GPC6: variants seen among roughly 807,000 people sequenced by gnomAD.
GPC6 encodes the protein glypican-6.
A neutral mutation model predicts 55.2 loss-of-function variants in GPC6; 14 were observed. That is an observed-to-expected ratio of 0.25 (90% CI 0.17 to 0.40). The LOEUF (loss-of-function observed/expected upper bound fraction) is 0.40. Ranked by LOEUF, GPC6 falls within the 10% of genes least tolerant of loss-of-function variation. The pLI is 1.00. For missense variants in GPC6, 641 were observed against 708.5 expected (o/e 0.90, Z 1.08); for synonymous variants, 278 against 259.6 (o/e 1.07, Z -0.68).
intron 2 of GPC6, among the ~76,000 whole-genome samples, chr13:93,786,122 T>A (rs1014245511): frequency 3.9e-5 from 6 of 152,172 alleles, no homozygotes; most frequent in Non-Finnish European, 4.4e-5. Flanking sequence ...AACACTCAGA[T>A]GTTATTTTCA....
intron 2 of GPC6, among the ~76,000 whole-genome samples, chr13:93,802,957 T>C (rs1886426384): frequency 6.6e-6 from 1 of 152,202 alleles, no homozygotes; most frequent in Admixed American, 6.5e-5. Flanking sequence ...GTATCCACAG[T>C]CTGAAAACAT....
intron 1 of GPC6, among the ~76,000 whole-genome samples, chr13:93,490,816 A>C (rs1242608029): frequency 9.4e-6 from 1 of 106,828 alleles, no homozygotes; most frequent in African/African-American, 3.5e-5. Context: ...GATGGTTTCC[A>C]ATTTCATCCA....
At chr13:94,321,937 T>C (rs1876848520) in intron 6 of GPC6, among the ~76,000 whole-genome samples, 1 of 152,204 alleles carries the variant, frequency 6.6e-6, no homozygotes, top group Non-Finnish European at 1.5e-5. Flanking sequence ...AACACTGACC[T>C]TCAGAGAGGC....
At chr13:93,373,698 A>G (rs1404534298) in intron 1 of GPC6, among the ~76,000 whole-genome samples, 1 of 152,222 alleles carries the variant, frequency 6.6e-6, no homozygotes, top group Non-Finnish European at 1.5e-5. Flanking sequence ...GATTCAAAAG[A>G]TAGTATTAAC....
intron 2 of GPC6, among the ~76,000 whole-genome samples, chr13:93,711,395 C>T (rs1883056913): frequency 6.6e-6 from 1 of 151,592 alleles, no homozygotes; most frequent in African/African-American, 2.4e-5. Context: ...AGCAAGAACC[C>T]GCCCCCAAGA....
chr13:94,234,317 C>CA (rs1384031033), intron 4 of GPC6, among the ~76,000 whole-genome samples: 1 of 152,096 alleles, frequency 6.6e-6, no homozygotes, highest in Admixed American at 6.5e-5. Flanking sequence ...TAACTAAATT[C>CA]ATTTTTATTG....
rs968416062 is a variant in GPC6 at position 94,305,961 on chromosome 13, T to A, written c.1009-19T>A. The stretch of plus-strand genomic sequence containing the variant: ...AAACTCATTGTATAGCTGTTTTTAC[T>A]TTTCAATGGTTCTTCCAGGTCTTTC... On this transcript the variant is annotated intron_variant, in intron 5 of 8. Coordinates refer to ENST00000377047, the MANE Select transcript of GPC6 (RefSeq NM_005708.5). 3.7e-6 allele frequency: 6 copies of A among 1,613,724 alleles called. No individual in the cohort carries two copies. Among genetic ancestry groups the A allele is most frequent in the Non-Finnish European group, 5.1e-6 (6 of 1,179,586 alleles).
At chr13:93,700,495 T>C (rs1224083117) in intron 2 of GPC6, among the ~76,000 whole-genome samples, 5 of 152,108 alleles carry the variant, frequency 3.3e-5, no homozygotes, top group Non-Finnish European at 7.4e-5. Flanking sequence ...TCTCCTGGGC[T>C]GCCTAAAAGG....
chr13:93,227,533 A>C lies in GPC6; in HGVS notation c.77A>C (p.Lys26Thr). Residue 26 changes from lysine to threonine, a missense_variant, in exon 1 of 9, where the codon AAG becomes ACG. By Grantham distance (78) the Lys-to-Thr change is moderately conservative. Coordinates refer to ENST00000377047, the MANE Select transcript of GPC6 (RefSeq NM_005708.5). The surrounding 1 kb of genome is among the most constrained non-coding windows in gnomAD (Gnocchi z 4.3). ...LLSLPAGADVKARSCGEVRQA... is the reference protein window; with the variant it reads ...LLSLPAGADVTARSCGEVRQA... ...TCCCTCCCCGCCGGGGCGGATGTGAAGGCTCGGAGCTGCGGAGAGGTCCGC... is the reference window on the plus strand; with the variant it reads ...TCCCTCCCCGCCGGGGCGGATGTGACGGCTCGGAGCTGCGGAGAGGTCCGC... 1.9e-6 allele frequency: 3 copies of C among 1,613,594 alleles called. No individual in the cohort carries two copies.
At chr13:93,589,181 A>G (rs1877348925) in intron 2 of GPC6, among the ~76,000 whole-genome samples, 1 of 140,806 alleles carries the variant, frequency 7.1e-6, no homozygotes, top group African/African-American at 3.2e-5. Context: ...TTAACATTTT[A>G]TTACCTTTGC....
chr13:93,475,413 A>C (rs1879266268), intron 1 of GPC6, among the ~76,000 whole-genome samples: 1 of 55,048 alleles, frequency 1.8e-5, no homozygotes, highest in Admixed American at 1.9e-4. Context: ...ATAGTACCTT[A>C]ATTTACGTTT....
At chr13:93,983,801 A>G (rs2140407399) in intron 3 of GPC6, among the ~76,000 whole-genome samples, 1 of 151,522 alleles carries the variant, frequency 6.6e-6, no homozygotes, top group East Asian at 1.9e-4. Context: ...AAAAAAAGCA[A>G]ACATCACTAA....
intron 1 of GPC6, among the ~76,000 whole-genome samples, chr13:93,425,804 T>C (rs180887710): frequency 6.6e-6 from 1 of 152,194 alleles, no homozygotes; most frequent in East Asian, 1.9e-4. Context: ...CTCTCCCAGC[T>C]CCACTTTCAC....
intron 2 of GPC6, among the ~76,000 whole-genome samples, chr13:93,663,170 A>G (rs1243505230): frequency 6.6e-6 from 1 of 152,124 alleles, no homozygotes; most frequent in African/African-American, 2.4e-5. Flanking sequence ...AGCTAGACAT[A>G]AAAAGCCTCC....
chr13:93,931,266 G>C (rs1394962334), intron 3 of GPC6, among the ~76,000 whole-genome samples: 1 of 152,038 alleles, frequency 6.6e-6, no homozygotes, highest in Non-Finnish European at 1.5e-5. Flanking sequence ...TCAGAAACCA[G>C]AGGAAGGAGA....
intron 6 of GPC6, among the ~76,000 whole-genome samples, chr13:94,359,742 C>T (rs574349831): frequency 1.1e-4 from 16 of 152,146 alleles, no homozygotes; most frequent in African/African-American, 3.1e-4. Context: ...AAGCCCCTGG[C>T]GTTTGATCTT....
At chr13:94,070,927 A>G (rs1195148906) in intron 4 of GPC6, among the ~76,000 whole-genome samples, 4 of 152,226 alleles carry the variant, frequency 2.6e-5, no homozygotes, top group African/African-American at 9.7e-5. Context: ...ATCTAAAAAC[A>G]GAATTGGTGT....
At chr13:93,802,679 T>C (rs1236262727) in intron 2 of GPC6, among the ~76,000 whole-genome samples, 3 of 152,088 alleles carry the variant, frequency 2.0e-5, no homozygotes, top group African/African-American at 7.2e-5. Context: ...ATTACAGTTG[T>C]GAGCCACCAT....
At chr13:94,182,292 A>G (rs1381786788) in intron 4 of GPC6, among the ~76,000 whole-genome samples, 1 of 152,124 alleles carries the variant, frequency 6.6e-6, no homozygotes, top group Admixed American at 6.6e-5. Flanking sequence ...ATGATGATTA[A>G]TGATCTGAGT....
Sources: gnomAD v4.1 joint callset for allele counts (sites outside exome capture counted in the v4.1 genomes callset) on GRCh38, gnomAD v4.1.1 for gene constraint, Gnocchi (gnomAD v3.1) non-coding constraint, MANE v1.5 for transcripts, NCBI Gene and HGNC (gene_info 2026-07-23, HGNC 2026-07-21) for gene names.